The following DNAH2 variants were observed in gnomAD, a reference collection of about 807,000 sequenced individuals.
DNAH2 encodes axonemal beta dynein heavy chain 2.
DNAH2 carries 323 observed loss-of-function variants against 523.5 expected under a neutral mutation model. The ratio of observed to expected loss-of-function variants is 0.62; its 90% CI spans 0.56 to 0.68. The LOEUF (loss-of-function observed/expected upper bound fraction) is 0.68. Among genes scored for constraint, DNAH2 ranks in the 30% least tolerant of loss-of-function variants. The probability of loss-of-function intolerance (pLI) is 0.00; values close to 1 mark genes in which losing one functional copy is unlikely to be tolerated. For synonymous variants in DNAH2, 2,093 were observed against 2,177.4 expected (o/e 0.96, Z 1.08); for missense variants, 4,907 against 5,701.5 (o/e 0.86, Z 4.49).
At chr17:7,799,442 T>C (rs1429698563) in intron 56 of DNAH2, among the ~76,000 whole-genome samples, 200 bp downstream of exon 56, 1 of 152,222 alleles carries the variant, frequency 6.6e-6, no homozygotes, top group African/African-American at 2.4e-5. Context: ...TTTTTTGGCA[T>C]AACTAGATTT....
At chr17:7,722,587 C>T (rs920918053) in intron 2 of DNAH2, among the ~76,000 whole-genome samples, 1 of 152,140 alleles carries the variant, frequency 6.6e-6, no homozygotes, top group Non-Finnish European at 1.5e-5. Flanking sequence ...CCAGGAACCG[C>T]TCATCTATTT....
intron 39 of DNAH2, among the ~76,000 whole-genome samples, chr17:7,784,281 C>T (rs574917398): frequency 6.6e-6 from 1 of 152,220 alleles, no homozygotes; most frequent in Admixed American, 6.5e-5. Context: ...CTTAATATTT[C>T]TTAATTGATA....
Position 7,740,870 on chromosome 17 carries a change from C to A in DNAH2, c.1567C>A (p.Leu523Met). The change falls in exon 11 of 86, where the codon CTG becomes ATG. Residue 523 changes from leucine (L) to methionine (M), a missense_variant. This residue lies in a region of DNAH2 where 2,806 missense variants were observed against 3,190.8 expected (regional missense o/e 0.88). Transcript: ENST00000572933. ...VDLYMLFNSE[L>M]ALVNRERNKK... ...TCTCTACATGCTGTTCAATAGCGAG[C>A]TGGCCCTGGTGAACCGTGAACGGAA... 6.2e-7 allele frequency: 1 copy of A among 1,614,058 alleles called. No homozygotes were observed. Among genetic ancestry groups the A allele is most frequent in the Non-Finnish European group, 8.5e-7 (1 of 1,179,894 alleles).
At chr17:7,804,889 A>G in intron 59 of DNAH2, 69 bp from the exon 60 acceptor site, 4 of 1,338,088 alleles carry the variant, frequency 3.0e-6, no homozygotes, top group South Asian at 1.3e-5. Flanking sequence ...CATCTTTTCC[A>G]CCAACACCGT....
In DNAH2 at chr17:7,754,710, C is replaced by G; in HGVS notation, c.1905-2381C>G. On this transcript the variant is annotated intron_variant, in intron 12 of 85. Coordinates refer to ENST00000572933, the MANE Select transcript of DNAH2 (RefSeq NM_020877.5). This position sits in a 1 kb window ranked among gnomAD's most constrained non-coding sequence, Gnocchi z 4.6. ...CCACCCCAACCTTGGGAAGCTTGCT[C>G]GTGCCCGCATGGCCAAGGGGCTCAG... The G allele has an allele frequency of 1.6e-6, 2 of 1,212,982 alleles. No individual in the cohort carries two copies. The highest frequency in any genetic ancestry group is 2.4e-6 in the Non-Finnish European group (2 of 833,128). The allele number at this position is 1,212,982 out of a possible 1,614,324, so 75.1% of individuals were successfully genotyped here.
Position 7,754,838 on chromosome 17 carries a change from A to G in DNAH2, c.1905-2253A>G, listed in dbSNP as rs566090591. 2.8e-4 allele frequency: 196 copies of G among 696,842 alleles called. No individual in the cohort carries two copies. The highest frequency in any genetic ancestry group is 4.3e-4 in the Non-Finnish European group (169 of 390,082). The allele number at this position is 696,842 out of a possible 1,614,324, so 43.2% of individuals were successfully genotyped here. ...CTCCCAAAGCTGCCCAGTGCCCTAC[A>G]AAGACTTCAGAGTAGATATCTCTGT... On this transcript the variant is annotated intron_variant, in intron 12 of 85. Transcript: ENST00000572933. The surrounding 1 kb of genome is among the most constrained non-coding windows in gnomAD (Gnocchi z 4.6).
chr17:7,832,840 C>T lies in DNAH2; in HGVS notation c.12904-14C>T. The T allele has an allele frequency of 6.2e-7, 1 of 1,614,196 alleles. No individual in the cohort carries two copies. The highest frequency in any genetic ancestry group is 8.5e-7 in the Non-Finnish European group (1 of 1,180,044). ...TCTTCAGGGTCCTCTCTTATTCTCA[C>T]CTTCAACCCCCAGGTTTCAGTGGAC... On this transcript the variant is annotated splice_polypyrimidine_tract_variant and intron_variant, in intron 83 of 85. Transcript: ENST00000572933. The surrounding 1 kb of genome is among the most constrained non-coding windows in gnomAD (Gnocchi z 4.3).
chr17:7,780,192 A>C lies in DNAH2; in HGVS notation c.5758A>C (p.Lys1920Gln). 6.2e-7 allele frequency: 1 copy of C among 1,614,042 alleles called. No individual in the cohort carries two copies. Among genetic ancestry groups the C allele is most frequent in the Non-Finnish European group, 8.5e-7 (1 of 1,179,972 alleles). Reference protein sequence around the residue: ...AGRTELPENLKSMFRPIAMVV... With the variant: ...AGRTELPENLQSMFRPIAMVV... ...CCGCACAGAGCTTCCCGAAAATCTT[A>C]AATCCATGTTCCGCCCAATTGCCAT... is the stretch of plus-strand genomic sequence containing the variant. Residue 1920 changes from lysine to glutamine, a missense_variant, in exon 37 of 86, where the codon AAA becomes CAA. Physicochemically the swap from Lys to Gln is moderately conservative, Grantham distance 53. Around this residue, in one of 3 missense-constraint regions of DNAH2, gnomAD observed 2,806 missense variants for 3,190.8 expected, o/e 0.88. Transcript: ENST00000572933. This position sits in a 1 kb window ranked among gnomAD's most constrained non-coding sequence, Gnocchi z 4.4.
chr17:7,781,291 A>G lies in DNAH2; in HGVS notation c.6129+124A>G, dbSNP rs2076599321. ...GGAGTTTGAGACTAGCCTGGGCAAC[A>G]TGGTGAAACCCTGTATCTACAAAAA... On this transcript the variant is annotated intron_variant, in intron 39 of 85. Coordinates refer to ENST00000572933, the MANE Select transcript of DNAH2 (RefSeq NM_020877.5). 5 of 1,106,490 alleles carry G rather than the reference A, an allele frequency of 4.5e-6. No individual in the cohort carries two copies. In the Admixed American group the frequency reaches 8.9e-5, roughly 20 times the overall value. 68.5% of individuals were successfully genotyped at this position (1,106,490 alleles called of 1,614,324 possible).
Position 7,740,905 on chromosome 17 carries a change from G to A in DNAH2, c.1602G>A (p.Trp534Ter). The A allele has an allele frequency of 6.2e-7, 1 of 1,614,036 alleles. No homozygotes were observed. The highest frequency in any genetic ancestry group is 8.5e-7 in the Non-Finnish European group (1 of 1,179,904). ...ALVNRERNKK[W>*]PDLEPYVAQY... is the part of the protein sequence containing the mutation. The stretch of plus-strand genomic sequence containing the variant: ...TGAACCGTGAACGGAACAAGAAATG[G>A]CCAGACCTGGAGCCCTACGTGGCCC... Residue 534 changes from tryptophan (W) to a stop codon, truncating the protein, a stop_gained, in exon 11 of 86, where the codon TGG becomes TGA. Coordinates refer to ENST00000572933, the MANE Select transcript of DNAH2 (RefSeq NM_020877.5). LOFTEE classifies it high-confidence loss of function.
At chr17:7,788,313 G>A (rs943276418) in intron 44 of DNAH2, 69 bp downstream of exon 44, 15 of 1,471,486 alleles carry the variant, frequency 1.0e-5, no homozygotes, top group Non-Finnish European at 1.4e-5. Context: ...CAACTTCTGG[G>A]AAACGGCGTG....
intron 12 of DNAH2, 69 bp downstream of exon 12, chr17:7,743,211 A>G (rs747753625): frequency 1.4e-6 from 2 of 1,412,728 alleles, no homozygotes; most frequent in Non-Finnish European, 2.0e-6. Context: ...TTTCACTCCC[A>G]TCTTTTGACT....
intron 2 of DNAH2, among the ~76,000 whole-genome samples, chr17:7,720,134 A>T (rs2074556013): frequency 6.6e-6 from 1 of 152,100 alleles, no homozygotes; most frequent in African/African-American, 2.4e-5. Context: ...TTCCCACAAT[A>T]TACCAGGAGT....
At chr17:7,829,194 T>C (rs1376851527) in intron 77 of DNAH2, among the ~76,000 whole-genome samples, 1 of 152,132 alleles carries the variant, frequency 6.6e-6, no homozygotes, top group Non-Finnish European at 1.5e-5. Flanking sequence ...TTTGTATTTT[T>C]AGTAGAGAGG....
intron 70 of DNAH2, 63 bp downstream of exon 70, chr17:7,818,839 T>A: frequency 6.2e-7 from 1 of 1,610,650 alleles, no homozygotes. Context: ...CTCCACCCAG[T>A]CTACCCCAGG....
chr17:7,764,549 C>T (rs1377822203), intron 20 of DNAH2, among the ~76,000 whole-genome samples: 5 of 151,136 alleles, frequency 3.3e-5, no homozygotes, highest in African/African-American at 4.9e-5. Flanking sequence ...CAACCTCTGC[C>T]TCCCAGGCTC....
Position 7,818,046 on chromosome 17 carries a change from A to G in DNAH2, c.10337A>G (p.Tyr3446Cys). 1.9e-6 allele frequency: 3 copies of G among 1,613,908 alleles called. No homozygotes were observed. The South Asian group carries it at 3.3e-5, about 18-fold the overall frequency. ...GTGCTACTTCAGAACGTGCAGGAAT[A>G]TCTGGACCCCACACTGAACCCCATG... ...YPVLLQNVQEYLDPTLNPMLN... is the reference protein window; with the variant it reads ...YPVLLQNVQECLDPTLNPMLN... Residue 3446 changes from tyrosine (Y) to cysteine (C), a missense_variant, in exon 68 of 86, where the codon TAT (tyrosine) becomes TGT (cysteine). Physicochemically the swap from Tyr to Cys is radical, Grantham distance 194. Coordinates refer to ENST00000572933, the MANE Select transcript of DNAH2 (RefSeq NM_020877.5).
chr17:7,805,002 G>A lies in DNAH2; in HGVS notation c.9228G>A (p.Lys3076=). Residue 3076 remains lysine (K), a synonymous_variant, in exon 60 of 86, where the codon AAG becomes AAA. Coordinates refer to ENST00000572933, the MANE Select transcript of DNAH2 (RefSeq NM_020877.5). ...AAAAGATTGCAGTTGAGGAAATCAA[G>A]TGTCAGGCACTGGCTGACAATGCCC... ...NSEKIAVEEI[K]CQALADNAQK... is the part of the protein sequence containing the mutation. 6.2e-7 allele frequency: 1 copy of A among 1,614,182 alleles called. No homozygotes were observed. Among genetic ancestry groups the A allele is most frequent in the Non-Finnish European group, 8.5e-7 (1 of 1,180,034 alleles).
Position 7,767,988 on chromosome 17 carries a change from T to C in DNAH2, c.3764T>C (p.Leu1255Pro), listed in dbSNP as rs765624320. 12 of 1,614,038 alleles carry C rather than the reference T, an allele frequency of 7.4e-6. No homozygotes were observed. In the South Asian group the frequency reaches 1.3e-4, roughly 18 times the overall value. ...TGGAAGACTGGCCGGTTCCTGATCC[T>C]GCAGACGGAAACCATGGAGACCACG... ...NEWKTGRFLI[L>P]QTETMETTAH... is the part of the protein sequence containing the mutation. Residue 1255 changes from leucine (L) to proline (P), a missense_variant, in exon 23 of 86, where the codon CTG (leucine) becomes CCG (proline). Transcript: ENST00000572933.
Sources: gnomAD v4.1 joint callset for allele counts (sites outside exome capture counted in the v4.1 genomes callset) on GRCh38, gnomAD v4.1.1 for gene constraint, gnomAD v4.1.1 regional missense constraint, Gnocchi (gnomAD v3.1) non-coding constraint, MANE v1.5 for transcripts, NCBI Gene and HGNC (gene_info 2026-07-23, HGNC 2026-07-21) for gene names.